Variants in NYAP2 observed in about 807,000 individuals in gnomAD.
NYAP2 encodes neuronal tyrosine-phosphorylated phosphoinositide-3-kinase adaptor 2, also known as neuronal tyrosine-phosphorylated phosphoinositide-3-kinase adapter 2.
Under a neutral mutation model 50.4 loss-of-function variants are expected in NYAP2, and 23 were observed. The ratio of observed to expected loss-of-function variants is 0.46; its 90% confidence interval spans 0.33 to 0.65. The LOEUF is 0.65. Among genes scored for constraint, NYAP2 ranks in the 30% least tolerant of loss-of-function variants. The pLI, the probability that NYAP2 is intolerant of heterozygous loss-of-function variation, is 0.02. For synonymous variants in NYAP2, 394 were observed against 365.2 expected, an observed-to-expected ratio of 1.08 and a Z score of -0.90; for missense variants, 885 against 861.0, an observed-to-expected ratio of 1.03 and a Z score of -0.35.
At chr2:225,658,221 T>C (rs756482615), downstream of NYAP2, among the ~76,000 whole-genome samples, 3 of 152,120 alleles carry the variant, frequency 2.0e-5, no homozygotes, top group African/African-American at 4.8e-5. Flanking sequence ...GCAACACATA[T>C]TAAAATTGGC....
intron 4 of NYAP2, among the ~76,000 whole-genome samples, chr2:225,521,980 A>G (rs1691067989): frequency 6.6e-6 from 1 of 152,072 alleles, no homozygotes; most frequent in South Asian, 2.1e-4. Context: ...CAGAGATTCA[A>G]ATTCTTCCTG....
chr2:225,448,608 T>C (rs999055951), intron 3 of NYAP2, among the ~76,000 whole-genome samples: 3 of 152,348 alleles, frequency 2.0e-5, no homozygotes, highest in African/African-American at 4.8e-5. Flanking sequence ...TTACATCTCT[T>C]GTGGCTGTGC....
chr2:225,598,954 A>C (rs1441202710), intron 5 of NYAP2, among the ~76,000 whole-genome samples: 4 of 152,088 alleles, frequency 2.6e-5, no homozygotes, highest in Non-Finnish European at 4.4e-5. Context: ...GCTTCAAGAG[A>C]CTCATGAGTA....
At chr2:225,600,051 C>G (rs1186662324) in intron 5 of NYAP2, among the ~76,000 whole-genome samples, 3 of 152,122 alleles carry the variant, frequency 2.0e-5, no homozygotes, top group African/African-American at 7.2e-5. Context: ...GCAGAGCCAG[C>G]TGTGTAGGAG....
chr2:225,515,512 C>A (rs1346064440), intron 4 of NYAP2, among the ~76,000 whole-genome samples: 1 of 151,584 alleles, frequency 6.6e-6, no homozygotes, highest in African/African-American at 2.4e-5. Context: ...ATTCCTCTGC[C>A]CTCTTAGAGT....
intron 3 of NYAP2, among the ~76,000 whole-genome samples, chr2:225,417,160 T>C (rs558617719): frequency 1.3e-5 from 2 of 152,280 alleles, no homozygotes; most frequent in East Asian, 3.9e-4. Flanking sequence ...AGTAAGGCTA[T>C]GAGTCAGGGG....
chr2:225,425,475 G>C lies in NYAP2; in HGVS notation c.221+16374G>C, dbSNP rs530212114. Among the ~76,000 whole-genome samples, 3 of 152,290 alleles carry C rather than the reference G, an allele frequency of 2.0e-5. No homozygotes were observed. In the East Asian group the frequency reaches 5.8e-4, roughly 29 times the overall value. On this transcript the variant is annotated intron_variant, in intron 3 of 6. Coordinates refer to ENST00000636099, the Ensembl canonical transcript of NYAP2. ...TATTTAGTGCATTCTGCTTTAGAAG[G>C]CAAGGGCACAAGTACGGTATTTTAT...
At chr2:225,425,203 A>G (rs1280326351) in intron 3 of NYAP2, among the ~76,000 whole-genome samples, 1 of 152,204 alleles carries the variant, frequency 6.6e-6, no homozygotes, top group Non-Finnish European at 1.5e-5. Context: ...CTACAAGAGA[A>G]GGAATCAGGT....
At chr2:225,681,352 G>T in the NYAP2 span, among the ~76,000 whole-genome samples, 1 of 152,204 alleles carries the variant, frequency 6.6e-6, no homozygotes, top group South Asian at 2.1e-4. Context: ...AATTGCAAGA[G>T]AGAAGGTCCT....
At chr2:225,550,743 G>C (rs1374780812) in intron 4 of NYAP2, among the ~76,000 whole-genome samples, 3 of 152,156 alleles carry the variant, frequency 2.0e-5, no homozygotes, top group African/African-American at 7.2e-5. Flanking sequence ...ATAACCAAAG[G>C]AGGAAAGCCC....
intron 4 of NYAP2, among the ~76,000 whole-genome samples, chr2:225,547,296 C>A (rs1408289741): frequency 6.6e-6 from 1 of 152,214 alleles, no homozygotes; most frequent in Non-Finnish European, 1.5e-5. Flanking sequence ...ATGGCATAAG[C>A]ACCCCCTTGG....
At chr2:225,599,109 A>G (rs999137067) in intron 5 of NYAP2, among the ~76,000 whole-genome samples, 13 of 152,146 alleles carry the variant, frequency 8.5e-5, no homozygotes, top group African/African-American at 2.9e-4. Context: ...TCTTCTAAGA[A>G]TAGAGAAGAC....
chr2:225,484,833 TGTCATCTGAAATGTATCAGC>T lies in NYAP2; in HGVS notation c.222-28517_222-28498del, dbSNP rs971800007. On this transcript the variant is annotated intron_variant, in intron 3 of 6. Transcript: ENST00000636099. ...TTCCAAAGCGTGGTCTTTGCATCAG[TGTCATCTGAAATGTATCAGC>T]GTCATCTGAAATGTATCAGCATCAT... 5.3e-5 allele frequency among the ~76,000 whole-genome samples: 8 copies of T among 152,366 alleles called. No homozygotes were observed. The East Asian group carries it at 7.7e-4, about 15-fold the overall frequency.
chr2:225,547,252 C>T (rs1179266889), intron 4 of NYAP2, among the ~76,000 whole-genome samples: 1 of 152,112 alleles, frequency 6.6e-6, no homozygotes, highest in Non-Finnish European at 1.5e-5. Flanking sequence ...AGGGTGAGTC[C>T]CAGGCCTAGC....
chr2:225,490,013 G>A (rs1464478888), intron 3 of NYAP2, among the ~76,000 whole-genome samples: 2 of 152,200 alleles, frequency 1.3e-5, no homozygotes, highest in African/African-American at 4.8e-5. Context: ...AACTGTGAAA[G>A]GTTCTTAGAT....
At chr2:225,657,293 G>T (rs1693845006), downstream of NYAP2, among the ~76,000 whole-genome samples, 1 of 151,690 alleles carries the variant, frequency 6.6e-6, no homozygotes, top group Non-Finnish European at 1.5e-5. Flanking sequence ...TGTATTTTTA[G>T]TAGAGACGGG....
intron 3 of NYAP2, among the ~76,000 whole-genome samples, chr2:225,465,443 G>A (rs1241147981): frequency 3.3e-5 from 5 of 152,120 alleles, no homozygotes; most frequent in African/African-American, 9.7e-5. Flanking sequence ...GGGGCCGGGC[G>A]CATTGGCTCA....
At position 225,582,589 on chromosome 2, in the gene NYAP2, C is replaced by T. The variant is rs375182785; in HGVS notation, c.1172C>T (p.Ala391Val). 13 of 1,597,892 alleles carry T rather than the reference C, an allele frequency of 8.1e-6. No individual in the cohort carries two copies. In the African/African-American group the frequency reaches 1.2e-4, roughly 15 times the overall value. ...CTGCCGTCCCACGTCCCCGGCCATG[C>T]GAAACTGGAGAAAGAGCAGGCCGCG... is the stretch of plus-strand genomic sequence containing the variant. The change falls in exon 5 of 7, where the codon GCG becomes GTG. Residue 391 changes from alanine (A) to valine (V), a missense_variant. Coordinates refer to ENST00000636099, the Ensembl canonical transcript of NYAP2. The surrounding 1 kb of genome is among the most constrained non-coding windows in gnomAD (Gnocchi z 7.0).
chr2:225,678,113 A>T, the NYAP2 span, among the ~76,000 whole-genome samples: 1 of 151,846 alleles, frequency 6.6e-6, no homozygotes, highest in Non-Finnish European at 1.5e-5. Context: ...TGGTCTATTC[A>T]GGTTTTCACT....
Sources: allele counts gnomAD v4.1 joint callset (sites outside exome capture counted in the v4.1 genomes callset), GRCh38; gene constraint gnomAD v4.1.1; non-coding constraint Gnocchi (gnomAD v3.1); transcripts MANE v1.5; gene names NCBI Gene and HGNC (gene_info 2026-07-23, HGNC 2026-07-21).